ASIC2: variants seen among roughly 807,000 people sequenced by gnomAD.
The protein encoded by ASIC2 is acid sensing ion channel subunit 2, also known as acid-sensing ion channel 2.
A neutral mutation model predicts 57.3 loss-of-function variants in ASIC2; 25 were observed. The observed-to-expected ratio is 0.44, with a 90% confidence interval of 0.32 to 0.61. The LOEUF (loss-of-function observed/expected upper bound fraction) is 0.61, where lower values mean the gene tolerates loss of function less well. Among genes scored for constraint, ASIC2 ranks in the 20% least tolerant of loss-of-function variants. The pLI is 0.06. For synonymous variants in ASIC2, 319 were observed against 307.5 expected, an observed-to-expected ratio of 1.04 and a Z score of -0.39; for missense variants, 641 against 738.1, an observed-to-expected ratio of 0.87 and a Z score of 1.52.
chr17:33,694,384 T>C (rs1022287372), intron 1 of ASIC2, among the ~76,000 whole-genome samples: 2 of 152,214 alleles, frequency 1.3e-5, no homozygotes, highest in African/African-American at 4.8e-5. Context: ...CTTTTTCAGC[T>C]GCACCACCCA....
At chr17:33,103,250 G>A (rs183987310) in intron 2 of ASIC2, among the ~76,000 whole-genome samples, 3 of 152,156 alleles carry the variant, frequency 2.0e-5, no homozygotes, top group African/African-American at 7.2e-5. Context: ...ATCAAAAGGC[G>A]TATATGGTGT....
chr17:33,261,187 A>G (rs1909266818), intron 1 of ASIC2, among the ~76,000 whole-genome samples: 1 of 152,174 alleles, frequency 6.6e-6, no homozygotes, highest in Non-Finnish European at 1.5e-5. Context: ...GCCCTCTCCA[A>G]ACTAGCTTTT....
intron 1 of ASIC2, among the ~76,000 whole-genome samples, chr17:33,738,999 G>T (rs1244802393): frequency 6.6e-6 from 1 of 152,160 alleles, no homozygotes; most frequent in East Asian, 1.9e-4. Flanking sequence ...TTTTGTCCTG[G>T]TTTGCCCATG....
intron 1 of ASIC2, among the ~76,000 whole-genome samples, chr17:33,774,233 A>AT (rs1381690058): frequency 6.6e-6 from 1 of 152,144 alleles, no homozygotes; most frequent in African/African-American, 2.4e-5. Flanking sequence ...CTCATGCCCC[A>AT]TTTTTATTCA....
intron 1 of ASIC2, among the ~76,000 whole-genome samples, chr17:33,878,287 G>T (rs893584063): frequency 2.6e-5 from 4 of 152,208 alleles, no homozygotes; most frequent in Non-Finnish European, 5.9e-5. Flanking sequence ...AGAGAAGAAG[G>T]CTTCAGATGA....
chr17:33,667,094 CG>C (rs1907499730), intron 1 of ASIC2, among the ~76,000 whole-genome samples: 1 of 152,106 alleles, frequency 6.6e-6, no homozygotes, highest in African/African-American at 2.4e-5. Flanking sequence ...CAGCATAAAG[CG>C]GGTGAGATGG....
At chr17:33,354,304 C>T (rs534804353) in intron 1 of ASIC2, among the ~76,000 whole-genome samples, 56 of 152,302 alleles carry the variant, frequency 3.7e-4, no homozygotes, top group South Asian at 2.7e-3. Flanking sequence ...ATCCACTCAT[C>T]CTCATGCTCT....
intron 1 of ASIC2, chr17:34,120,218 A>G (rs1911566045): frequency 6.6e-6 from 1 of 152,244 alleles, no homozygotes; most frequent in Non-Finnish European, 1.5e-5. Flanking sequence ...TAACAAAGTC[A>G]TAAGGATATG....
intron 1 of ASIC2, among the ~76,000 whole-genome samples, chr17:33,758,728 T>TG (rs974538544): frequency 7.9e-5 from 12 of 152,118 alleles, no homozygotes; most frequent in African/African-American, 2.9e-4. Context: ...TGAGTCCCTT[T>TG]GCCATGTGAT....
intron 1 of ASIC2, among the ~76,000 whole-genome samples, chr17:33,427,898 C>T (rs1380619820): frequency 2.0e-5 from 3 of 152,192 alleles, no homozygotes; most frequent in Non-Finnish European, 2.9e-5. Context: ...TAAAACACAC[C>T]GTGGCTCTGT....
chr17:33,369,939 C>G (rs1908978871), intron 1 of ASIC2, among the ~76,000 whole-genome samples: 1 of 152,166 alleles, frequency 6.6e-6, no homozygotes. Flanking sequence ...ACCCCATAAG[C>G]CATACTCCAA....
chr17:33,282,313 G>A (rs560270504), intron 1 of ASIC2, among the ~76,000 whole-genome samples: 52 of 152,274 alleles, frequency 3.4e-4, no homozygotes, highest in African/African-American at 1.3e-3. Context: ...GTTCTTTCTG[G>A]AGGCTTTAGG....
chr17:33,589,584 A>G (rs1256883389), intron 1 of ASIC2, among the ~76,000 whole-genome samples: 1 of 151,828 alleles, frequency 6.6e-6, no homozygotes, highest in Non-Finnish European at 1.5e-5. Context: ...GAATTTGCCT[A>G]CTCTAGACAC....
At chr17:33,691,174 T>C (rs1908355878) in intron 1 of ASIC2, among the ~76,000 whole-genome samples, 1 of 152,264 alleles carries the variant, frequency 6.6e-6, no homozygotes, top group African/African-American at 2.4e-5. Context: ...AAAATGATGC[T>C]GCAAAAATAT....
At chr17:33,867,729 G>A (rs1293735248) in intron 1 of ASIC2, among the ~76,000 whole-genome samples, 1 of 152,186 alleles carries the variant, frequency 6.6e-6, no homozygotes, top group Non-Finnish European at 1.5e-5. Flanking sequence ...CAGCTGCTCT[G>A]GCAACTGCTT....
intron 1 of ASIC2, among the ~76,000 whole-genome samples, chr17:33,510,701 C>A (rs1161076444): frequency 6.6e-6 from 1 of 152,220 alleles, no homozygotes; most frequent in Non-Finnish European, 1.5e-5. Context: ...AGCCCCCATT[C>A]ACACTGGGAG....
rs185851506 is a variant in ASIC2, at chr17:33,912,797, T to G, written c.555+243181A>C. On this transcript the variant is annotated intron_variant, in intron 1 of 9. Transcript: ENST00000359872. ...GAGTTCGAGACCAGCCTGACCAACA[T>G]GGAGAAACCCCGTCTCTACTAAAAA... 5.8e-3 allele frequency among the ~76,000 whole-genome samples: 877 copies of G among 152,058 alleles called. 7 individuals are homozygous for G. Among genetic ancestry groups the G allele is most frequent in the African/African-American group, 0.02 (836 of 41,474 alleles).
intron 1 of ASIC2, among the ~76,000 whole-genome samples, chr17:33,144,818 A>AC (rs1373899862): frequency 1.3e-5 from 2 of 152,040 alleles, no homozygotes; most frequent in African/African-American, 2.4e-5. Flanking sequence ...ATGTACCTAG[A>AC]CCCCTACCCT....
chr17:33,625,686 C>T (rs570786817), intron 1 of ASIC2, among the ~76,000 whole-genome samples: 83 of 152,192 alleles, frequency 5.5e-4, no homozygotes, highest in Non-Finnish European at 9.4e-4. Context: ...GGTCTGGTGT[C>T]CACTTTCAGG....
Sources: allele counts gnomAD v4.1 joint callset (sites outside exome capture counted in the v4.1 genomes callset), GRCh38; gene constraint gnomAD v4.1.1; transcripts MANE v1.5; gene names NCBI Gene and HGNC (gene_info 2026-07-23, HGNC 2026-07-21).